COP1: variants seen among roughly 807,000 people sequenced by gnomAD.
The protein encoded by COP1 is COP1 E3 ubiquitin ligase.
In COP1, 24 loss-of-function variants were observed where a neutral mutation model predicts 101.3. The observed-to-expected ratio is 0.24, with a 90% CI of 0.17 to 0.33. COP1 has a LOEUF of 0.33. COP1 is among the 10% of genes least tolerant of loss of function. COP1 has a pLI of 1.00. For missense variants in COP1, 663 were observed against 906.2 expected, an observed-to-expected ratio of 0.73 and a Z score of 3.45; for synonymous variants, 347 against 341.9, an observed-to-expected ratio of 1.01 and a Z score of -0.17.
chr1:176,041,874 G>A (rs1470753504), intron 14 of COP1, among the ~76,000 whole-genome samples: 3 of 151,850 alleles, frequency 2.0e-5, no homozygotes, highest in Non-Finnish European at 4.4e-5. Context: ...AGCACTTTGG[G>A]AGGTTGAGGC....
Position 176,046,934 on chromosome 1 carries a change from T to C in COP1, c.1278-610A>G, listed in dbSNP as rs192049495. Among the ~76,000 whole-genome samples, 7 of 152,112 alleles carry C rather than the reference T, an allele frequency of 4.6e-5. 1 individual carries two copies. In the East Asian group the frequency reaches 9.7e-4, roughly 21 times the overall value. On this transcript the variant is annotated intron_variant, in intron 11 of 19. Transcript: ENST00000367669. The stretch of plus-strand genomic sequence containing the variant: ...AAAACCCCAATACACATTCCTCATA[T>C]CACAAAAGAGGTTAAATAAATAAAT...
intron 7 of COP1, among the ~76,000 whole-genome samples, chr1:176,136,236 G>A (rs572832193): frequency 1.3e-5 from 2 of 152,062 alleles, no homozygotes; most frequent in East Asian, 1.9e-4. Context: ...AAAACTGAGC[G>A]ATTTTTTTTG....
chr1:176,184,434 C>G (rs1035947213), intron 2 of COP1, among the ~76,000 whole-genome samples, 199 bp downstream of exon 2: 6 of 152,072 alleles, frequency 3.9e-5, no homozygotes, highest in Non-Finnish European at 8.8e-5. Context: ...TATTCTAAAT[C>G]TAAACATTTG....
chr1:176,010,886 T>C (rs898013926), intron 15 of COP1, among the ~76,000 whole-genome samples: 1 of 152,238 alleles, frequency 6.6e-6, no homozygotes, highest in Non-Finnish European at 1.5e-5. Context: ...GACAAGGTGA[T>C]ATCAAAAATA....
At chr1:176,146,574 C>CA (rs1250609363) in intron 6 of COP1, among the ~76,000 whole-genome samples, 10 of 152,064 alleles carry the variant, frequency 6.6e-5, no homozygotes, top group Admixed American at 3.3e-4. Flanking sequence ...GCCCCTGTGA[C>CA]AAAAAAATTG....
In COP1 at chr1:176,081,227, C is replaced by T. The variant is rs1301409514; in HGVS notation, c.1202G>A (p.Arg401Gln). 3 of 1,608,426 alleles carry T rather than the reference C, an allele frequency of 1.9e-6. No individual in the cohort carries two copies. The highest frequency in any genetic ancestry group is 2.2e-5 in the South Asian group (2 of 90,642). ...GGCTAAAGGTCGTACTGAATTATAT[C>T]GAGTAAACTTGGACAAGCATTCCTG... ...EFQECLSKFTRYNSVRPLATL... is the reference protein window; with the variant it reads ...EFQECLSKFTQYNSVRPLATL... The change falls in exon 11 of 20, where the codon CGA (arginine) becomes CAA (glutamine). Residue 401 changes from arginine (R) to glutamine (Q), a missense_variant. Transcript: ENST00000367669.
chr1:175,994,193 C>T (rs1313427870), intron 15 of COP1, among the ~76,000 whole-genome samples: 1 of 152,126 alleles, frequency 6.6e-6, no homozygotes, highest in Admixed American at 6.5e-5. Context: ...CAAACAAATG[C>T]TGAGAGAATC....
At chr1:176,170,571 T>TA (rs1163074288) in intron 3 of COP1, among the ~76,000 whole-genome samples, 1 of 152,220 alleles carries the variant, frequency 6.6e-6, no homozygotes, top group Non-Finnish European at 1.5e-5. Flanking sequence ...ACAGTGGTCT[T>TA]ACGATATTCA....
chr1:175,969,676 C>T (rs909933197), intron 18 of COP1, among the ~76,000 whole-genome samples: 3 of 152,172 alleles, frequency 2.0e-5, no homozygotes, highest in African/African-American at 7.2e-5. Flanking sequence ...CGTAAAACTT[C>T]TATGTCATGT....
intron 15 of COP1, among the ~76,000 whole-genome samples, chr1:176,003,663 A>G (rs1445660348): frequency 5.9e-5 from 9 of 152,012 alleles, no homozygotes; most frequent in Non-Finnish European, 1.0e-4. Flanking sequence ...ATAGTTGTAG[A>G]TACGTGGCGT....
chr1:176,026,426 T>C (rs1667672612), intron 15 of COP1, among the ~76,000 whole-genome samples: 1 of 152,018 alleles, frequency 6.6e-6, no homozygotes, highest in South Asian at 2.1e-4. Flanking sequence ...CAGCTCTACC[T>C]CTATGTTACA....
intron 3 of COP1, among the ~76,000 whole-genome samples, chr1:176,172,924 T>C (rs1558255597): frequency 1.3e-5 from 2 of 152,174 alleles, no homozygotes; most frequent in East Asian, 1.9e-4. Flanking sequence ...CAAATAGATG[T>C]ATCAGGATGA....
At chr1:176,159,834 G>A (rs778082191) in intron 5 of COP1, among the ~76,000 whole-genome samples, 49 of 152,130 alleles carry the variant, frequency 3.2e-4, no homozygotes, top group Admixed American at 2.1e-3. Flanking sequence ...TGGTCACACT[G>A]GGAGAAGGGA....
At chr1:176,094,912 C>A in intron 9 of COP1, among the ~76,000 whole-genome samples, 1 of 152,164 alleles carries the variant, frequency 6.6e-6, no homozygotes, top group East Asian at 1.9e-4. Context: ...TAGCGGAGTA[C>A]AAAAGCAATG....
chr1:176,016,276 T>A (rs1318101358), intron 15 of COP1, among the ~76,000 whole-genome samples: 1 of 151,896 alleles, frequency 6.6e-6, no homozygotes, highest in Non-Finnish European at 1.5e-5. Context: ...TATCAAAGAA[T>A]ACCAACATTT....
intron 3 of COP1, among the ~76,000 whole-genome samples, chr1:176,169,251 C>T (rs577995418): frequency 3.9e-5 from 6 of 152,112 alleles, no homozygotes; most frequent in Non-Finnish European, 7.3e-5. Context: ...GAGAAGGATA[C>T]CACACACCTT....
At chr1:176,029,765 T>TA (rs1668353057) in intron 14 of COP1, among the ~76,000 whole-genome samples, 1 of 152,162 alleles carries the variant, frequency 6.6e-6, no homozygotes, top group Admixed American at 6.5e-5. Context: ...GTGAATAAAA[T>TA]AAGTAAAACT....
intron 11 of COP1, among the ~76,000 whole-genome samples, chr1:176,080,620 G>C (rs12133701): frequency 0.07 from 10,571 of 152,096 alleles, 457 homozygotes; most frequent in Admixed American, 0.087. Flanking sequence ...GAATAATAAG[G>C]CAATATTATG....
chr1:176,168,403 G>C (rs1206175090), intron 3 of COP1, among the ~76,000 whole-genome samples: 1 of 150,684 alleles, frequency 6.6e-6, no homozygotes, highest in Non-Finnish European at 1.5e-5. Flanking sequence ...AGACAGCTGG[G>C]TGGGTGGGGG....
Sources: allele counts gnomAD v4.1 joint callset (sites outside exome capture counted in the v4.1 genomes callset), GRCh38; gene constraint gnomAD v4.1.1; transcripts MANE v1.5; gene names NCBI Gene and HGNC (gene_info 2026-07-23, HGNC 2026-07-21).